The following OVCH1 variants were observed in gnomAD, a reference collection of about 807,000 sequenced individuals.
OVCH1 encodes ovochymase 1.
OVCH1 carries 139 observed loss-of-function variants against 138.4 expected under a neutral mutation model. The observed-to-expected ratio is 1.00, with a 90% CI of 0.87 to 1.16. The LOEUF is 1.16. OVCH1 is among the 50% of genes most tolerant of loss of function. OVCH1 has a pLI of 0.00. For missense variants in OVCH1, 1,367 were observed against 1,357.9 expected, an observed-to-expected ratio of 1.01 and a Z score of -0.11; for synonymous variants, 453 against 467.8, an observed-to-expected ratio of 0.97 and a Z score of 0.41.
At chr12:29,427,527 A>G (rs1367591828), downstream of OVCH1, 5 of 1,548,882 alleles carry the variant, frequency 3.2e-6, no homozygotes, top group Non-Finnish European at 4.4e-6. Flanking sequence ...GCTTGGTTAG[A>G]GGCCTCTTCC....
chr12:29,408,776 T>G (rs1450057990), downstream of OVCH1, among the ~76,000 whole-genome samples: 14 of 149,948 alleles, frequency 9.3e-5, no homozygotes, highest in South Asian at 2.1e-4. Context: ...TCTCTTTTTT[T>G]GTTGTGTCTC....
downstream of OVCH1, among the ~76,000 whole-genome samples, chr12:29,426,950 A>G (rs887406491): frequency 6.6e-6 from 1 of 152,222 alleles, no homozygotes; most frequent in Non-Finnish European, 1.5e-5. Context: ...AGCAACATGG[A>G]TTGGACAGTG....
At chr12:29,489,823 T>G in intron 5 of OVCH1, 52 bp from the exon 6 acceptor site, 1 of 1,545,972 alleles carries the variant, frequency 6.5e-7, no homozygotes, top group Non-Finnish European at 8.8e-7. Flanking sequence ...TGGAAACAAA[T>G]TAATGGGAAG....
intron 14 of OVCH1, among the ~76,000 whole-genome samples, chr12:29,473,381 T>G (rs1942583798): frequency 6.6e-6 from 1 of 152,170 alleles, no homozygotes; most frequent in South Asian, 2.1e-4. Flanking sequence ...ATATCAGTCT[T>G]TTTTTCAGGA....
At chr12:29,485,845 A>AG (rs1943081868) in intron 8 of OVCH1, among the ~76,000 whole-genome samples, 1 of 151,852 alleles carries the variant, frequency 6.6e-6, no homozygotes, top group African/African-American at 2.4e-5. Context: ...TGGGAGGCTA[A>AG]GGCAGGAGAA....
intron 22 of OVCH1, 82 bp downstream of exon 22, chr12:29,451,263 C>A: frequency 9.1e-7 from 1 of 1,099,550 alleles, no homozygotes. Flanking sequence ...ACATTATTAC[C>A]AAGTCAGACT....
chr12:29,491,164 A>G (rs1296156064), exon 5 of OVCH1: 1 of 1,613,758 alleles, frequency 6.2e-7, no homozygotes, highest in Non-Finnish European at 8.5e-7. Context: ...CATCGCTGTC[A>G]GGAAGACAGA....
chr12:29,456,608 A>G (rs1941958246), intron 19 of OVCH1, among the ~76,000 whole-genome samples: 1 of 152,236 alleles, frequency 6.6e-6, no homozygotes, highest in African/African-American at 2.4e-5. Flanking sequence ...ACATTTATCT[A>G]TTAATTAGCA....
chr12:29,426,498 T>TTCTA (rs1246690901), downstream of OVCH1, among the ~76,000 whole-genome samples: 3 of 152,092 alleles, frequency 2.0e-5, no homozygotes, highest in East Asian at 5.8e-4. Context: ...AGCTCAAGAG[T>TTCTA]TCTATCTCTA....
chr12:29,464,263 C>A, intron 18 of OVCH1: 1 of 532,148 alleles, frequency 1.9e-6, no homozygotes, highest in South Asian at 2.1e-5. Context: ...TATTATCTGG[C>A]CCATTACAGT....
the OVCH1 span, among the ~76,000 whole-genome samples, chr12:29,405,889 T>G: frequency 2.0e-5 from 3 of 152,230 alleles, no homozygotes; most frequent in African/African-American, 7.2e-5. Context: ...AACGACATTC[T>G]GATTTACTCT....
intron 27 of OVCH1, among the ~76,000 whole-genome samples, chr12:29,429,532 AAGAT>A (rs1941233723): frequency 6.6e-6 from 1 of 152,242 alleles, no homozygotes; most frequent in Admixed American, 6.5e-5. Context: ...CCATTTAAGA[AAGAT>A]AAATTTACAA....
At chr12:29,436,168 G>A (rs996625705) in intron 26 of OVCH1, among the ~76,000 whole-genome samples, 8 of 151,624 alleles carry the variant, frequency 5.3e-5, no homozygotes, top group African/African-American at 7.3e-5. Context: ...TTTAGACTAA[G>A]ATTTAGACTA....
chr12:29,429,416 C>A (rs906768079), intron 27 of OVCH1, among the ~76,000 whole-genome samples: 2 of 152,192 alleles, frequency 1.3e-5, no homozygotes, highest in African/African-American at 2.4e-5. Flanking sequence ...AATGAAGGAT[C>A]TGATGAGAAA....
chr12:29,436,575 A>C (rs1941363975), intron 26 of OVCH1, among the ~76,000 whole-genome samples: 1 of 152,356 alleles, frequency 6.6e-6, no homozygotes, highest in South Asian at 2.1e-4. Flanking sequence ...GAAGCCGCAG[A>C]CATTTGCGGC....
chr12:29,461,925 G>A (rs766649529), exon 19 of OVCH1: 4 of 1,613,706 alleles, frequency 2.5e-6, no homozygotes, highest in East Asian at 2.2e-5. Flanking sequence ...CCTCCTGGAT[G>A]GGCAGAATAG....
intron 16 of OVCH1, among the ~76,000 whole-genome samples, chr12:29,470,503 A>G (rs1942467999): frequency 6.6e-6 from 1 of 152,170 alleles, no homozygotes; most frequent in African/African-American, 2.4e-5. Context: ...TTCGCTGAGA[A>G]TGATGGCTTC....
rs192335717 is a variant in OVCH1 at position 29,444,301 on chromosome 12, G to C, written c.2882-21C>G. ...TGGACCTAAAAGAACAGGAAGCAGA[G>C]AAAATGAGAATAAAACCAATTTTTA... On this transcript the variant is annotated intron_variant, in intron 23 of 27. Transcript: ENST00000318184. 131 of 1,607,102 alleles carry C rather than the reference G, an allele frequency of 8.2e-5. 1 individual carries two copies. Among genetic ancestry groups the C allele is most frequent in the Middle Eastern group, 3.3e-4 (2 of 6,010 alleles).
chr12:29,432,345 A>T (rs931786964), intron 27 of OVCH1, among the ~76,000 whole-genome samples: 2 of 152,224 alleles, frequency 1.3e-5, no homozygotes, highest in Non-Finnish European at 2.9e-5. Flanking sequence ...CAGAAGTAGT[A>T]GCATTCTAGC....
Sources: gnomAD v4.1 joint callset for allele counts (sites outside exome capture counted in the v4.1 genomes callset) on GRCh38, gnomAD v4.1.1 for gene constraint, MANE v1.5 for transcripts, NCBI Gene and HGNC (gene_info 2026-07-23, HGNC 2026-07-21) for gene names.